CDK13: variants seen among roughly 807,000 people sequenced by gnomAD.
The protein encoded by CDK13 is cyclin-dependent kinase 13.
In CDK13, 40 loss-of-function variants were observed where a neutral mutation model predicts 137.6. The ratio of observed to expected loss-of-function variants is 0.29; its 90% CI spans 0.23 to 0.38. The LOEUF (loss-of-function observed/expected upper bound fraction) is 0.38, where lower values mean the gene tolerates loss of function less well. Among genes scored for constraint, CDK13 ranks in the 10% least tolerant of loss-of-function variants. The probability of loss-of-function intolerance (pLI) is 1.00; values close to 1 mark genes in which losing one functional copy is unlikely to be tolerated. For synonymous variants in CDK13, 869 were observed against 760.1 expected, an observed-to-expected ratio of 1.14 and a Z score of -2.36; for missense variants, 1,704 against 1,951.8, an observed-to-expected ratio of 0.87 and a Z score of 2.39.
At chr7:39,971,980 A>G (rs569263247) in intron 1 of CDK13, among the ~76,000 whole-genome samples, 1 of 152,344 alleles carries the variant, frequency 6.6e-6, no homozygotes, top group African/African-American at 2.4e-5. Flanking sequence ...ACTTTGAACA[A>G]ATTCTTGATG....
chr7:40,078,964 A>G (rs1185318594), intron 11 of CDK13, 113 bp downstream of exon 11: 2 of 323,530 alleles, frequency 6.2e-6, no homozygotes, highest in East Asian at 1.1e-4. Flanking sequence ...TGAGAAAAAT[A>G]TAATAAAGGA....
Position 39,969,672 on chromosome 7 carries a change from T to C in CDK13, c.1211+17820T>C, listed in dbSNP as rs551344283. On this transcript the variant is annotated intron_variant, in intron 1 of 13. Coordinates refer to ENST00000181839, the MANE Select transcript of CDK13 (RefSeq NM_003718.5). ...TGCCTCACCTCCTCAATAAGACTTA[T>C]TTTTTTTTTTGTCAGTCTTTGATTT... Among the ~76,000 whole-genome samples, 204 of 138,700 alleles carry C rather than the reference T, an allele frequency of 1.5e-3. 2 individuals are homozygous for C. The highest frequency in any genetic ancestry group is 0.014 in the Middle Eastern group (4 of 280). The allele number at this position is 138,700 out of a possible 152,430, so 91.0% of individuals were successfully genotyped here. A position where few individuals can be genotyped will look rare whatever the true frequency, so the allele number is the denominator to read the frequency against.
At position 40,093,022 on chromosome 7, in the gene CDK13, G is replaced by C. The variant is rs1278070843; in HGVS notation, c.3473G>C (p.Gly1158Ala). 1 of 1,614,200 alleles carries C rather than the reference G, an allele frequency of 6.2e-7. No homozygotes were observed. The highest frequency in any genetic ancestry group is 1.7e-5 in the Admixed American group (1 of 60,024). Reference sequence around the variant, plus strand: ...CAGGAGTCTTCGAAACCGTTGGGAGGAATTCAGCCTTCTTCTCAGACCATC... The same window carrying C: ...CAGGAGTCTTCGAAACCGTTGGGAGCAATTCAGCCTTCTTCTCAGACCATC... The part of the protein sequence containing the change: ...PQQESSKPLG[G>A]IQPSSQTIQP... The change falls in exon 13 of 14, where the codon GGA becomes GCA. Residue 1158 changes from glycine to alanine, a missense_variant. Around this residue, in one of 5 missense-constraint regions of CDK13, gnomAD observed 475 missense variants for 579.3 expected, o/e 0.82. Coordinates refer to ENST00000181839, the MANE Select transcript of CDK13 (RefSeq NM_003718.5).
chr7:40,079,032 A>G (rs539510011), intron 11 of CDK13, among the ~76,000 whole-genome samples, 181 bp downstream of exon 11: 1 of 152,272 alleles, frequency 6.6e-6, no homozygotes, highest in East Asian at 1.9e-4. Flanking sequence ...ATGCTTGCTT[A>G]ATGTTTACCC....
intron 11 of CDK13, among the ~76,000 whole-genome samples, chr7:40,084,724 A>C (rs1213493121): frequency 6.6e-6 from 1 of 152,252 alleles, no homozygotes; most frequent in Non-Finnish European, 1.5e-5. Context: ...GTGATGTCAA[A>C]CATGAATTAA....
At chr7:40,063,199 C>A in intron 9 of CDK13, 99 bp downstream of exon 9, 1 of 873,808 alleles carries the variant, frequency 1.1e-6, no homozygotes, top group African/African-American at 1.7e-5. Context: ...AAGAGAACAA[C>A]ATGGTTCTCT....
Position 40,045,879 on chromosome 7 carries a change from G to C in CDK13, c.2397G>C (p.Met799Ile). The C allele has an allele frequency of 6.2e-7, 1 of 1,612,610 alleles. No homozygotes were observed. Among genetic ancestry groups the C allele is most frequent in the Non-Finnish European group, 8.5e-7 (1 of 1,179,000 alleles). Residue 799 changes from methionine (M) to isoleucine (I), a missense_variant, in exon 6 of 14, where the codon ATG (methionine) becomes ATC (isoleucine). Transcript: ENST00000181839. The part of the protein sequence containing the change: ...LVFEYMDHDL[M>I]GLLESGLVHF... ...TTGAATATATGGACCATGATCTGAT[G>C]GGACTACTGGAATCAGGCTTGGTTC...
At chr7:40,032,476 A>G (rs935234277) in intron 5 of CDK13, among the ~76,000 whole-genome samples, 6 of 152,244 alleles carry the variant, frequency 3.9e-5, no homozygotes, top group Non-Finnish European at 7.3e-5. Context: ...CAAACTCAAG[A>G]TCACCTAGAT....
chr7:40,001,417 A>G (rs554342610), intron 4 of CDK13, among the ~76,000 whole-genome samples: 3 of 152,104 alleles, frequency 2.0e-5, no homozygotes, highest in South Asian at 4.1e-4. Flanking sequence ...GGGTTTCACT[A>G]TGTTGGCCAG....
intron 7 of CDK13, among the ~76,000 whole-genome samples, chr7:40,049,495 G>A (rs911553870): frequency 3.3e-5 from 5 of 151,830 alleles, no homozygotes; most frequent in Non-Finnish European, 4.4e-5. Context: ...ACCCAGAAAG[G>A]GCTGAGTTAG....
intron 5 of CDK13, 143 bp from the exon 6 acceptor site, chr7:40,045,693 G>A (rs1311580851): frequency 1.1e-5 from 6 of 551,188 alleles, no homozygotes; most frequent in South Asian, 2.5e-5. Context: ...CAGAGAGAAA[G>A]ATGAATGTTA....
chr7:39,956,218 C>G (rs1787404091), intron 1 of CDK13, among the ~76,000 whole-genome samples: 1 of 152,068 alleles, frequency 6.6e-6, no homozygotes, highest in African/African-American at 2.4e-5. Context: ...AAATAGGATA[C>G]TAGAACAAAT....
Position 39,951,486 on chromosome 7 carries a change from G to C in CDK13, c.845G>C (p.Arg282Pro), listed in dbSNP as rs1747216621. The stretch of plus-strand genomic sequence containing the variant: ...CGGGACTCGAAGGCCCACCGCAGCC[G>C]GACTAAGTCGTCCAAGGAGCCGCCT... ...KDRDSKAHRSRTKSSKEPPSA... is the reference protein window; with the variant it reads ...KDRDSKAHRSPTKSSKEPPSA... The change falls in exon 1 of 14, where the codon CGG (arginine) becomes CCG (proline). Residue 282 changes from arginine to proline, a missense_variant. Physicochemically the swap from Arg to Pro is moderately radical, Grantham distance 103 (BLOSUM62 -2). Transcript: ENST00000181839. The C allele has an allele frequency of 6.5e-7, 1 of 1,537,264 alleles. No homozygotes were observed. The highest frequency in any genetic ancestry group is 2.6e-5 in the East Asian group (1 of 38,808).
chr7:39,960,317 A>G (rs940624952), intron 1 of CDK13, among the ~76,000 whole-genome samples: 2 of 150,388 alleles, frequency 1.3e-5, no homozygotes, highest in Admixed American at 6.6e-5. Flanking sequence ...ACGCAGTGTC[A>G]TGATCTCGGC....
At chr7:39,967,769 A>T (rs1449033920) in intron 1 of CDK13, among the ~76,000 whole-genome samples, 1 of 151,960 alleles carries the variant, frequency 6.6e-6, no homozygotes, top group Non-Finnish European at 1.5e-5. Flanking sequence ...CATTTTTTTG[A>T]TGCTAGCCAT....
At chr7:39,983,804 A>G (rs1015717575) in intron 1 of CDK13, among the ~76,000 whole-genome samples, 2 of 152,216 alleles carry the variant, frequency 1.3e-5, no homozygotes, top group African/African-American at 2.4e-5. Flanking sequence ...ATTTCATGTT[A>G]TGACACTTTT....
intron 5 of CDK13, among the ~76,000 whole-genome samples, chr7:40,022,927 A>G (rs1297525647): frequency 1.3e-5 from 2 of 151,768 alleles, no homozygotes; most frequent in Non-Finnish European, 2.9e-5. Context: ...AAACTTTGCA[A>G]ATAGTCTGAT....
chr7:40,048,688 G>A (rs1313407366), intron 7 of CDK13: 2 of 148,326 alleles, frequency 1.3e-5, no homozygotes, highest in Admixed American at 6.6e-5. Flanking sequence ...GCAGTCTTAG[G>A]AATAGATGTT....
intron 2 of CDK13, among the ~76,000 whole-genome samples, chr7:39,990,059 C>T (rs376365268): frequency 5.9e-5 from 9 of 152,318 alleles, no homozygotes; most frequent in Middle Eastern, 3.4e-3. Context: ...GTTGGGATTA[C>T]AGGCGTGAGC....
Sources: gnomAD v4.1 joint callset for allele counts (sites outside exome capture counted in the v4.1 genomes callset) on GRCh38, gnomAD v4.1.1 for gene constraint, gnomAD v4.1.1 regional missense constraint, MANE v1.5 for transcripts, NCBI Gene and HGNC (gene_info 2026-07-23, HGNC 2026-07-21) for gene names.